The following CCND3 variants were observed in gnomAD, a reference collection of about 807,000 sequenced individuals.
CCND3 encodes G1/S-specific cyclin-D3.
CCND3 carries 9 observed loss-of-function variants against 28.7 expected under a neutral mutation model. The ratio of observed to expected loss-of-function variants is 0.31; its 90% CI spans 0.19 to 0.55. The LOEUF is 0.55. CCND3 is among the 20% of genes least tolerant of loss of function. The probability of loss-of-function intolerance (pLI) is 0.93; values close to 1 mark genes in which losing one functional copy is unlikely to be tolerated. For synonymous variants in CCND3, 164 were observed against 163.9 expected, an observed-to-expected ratio of 1.00 and a Z score of 0.00; for missense variants, 315 against 385.8, an observed-to-expected ratio of 0.82 and a Z score of 1.54.
chr6:42,044,333 C>G (rs915473011), intron 1 of CCND3, among the ~76,000 whole-genome samples: 3 of 152,098 alleles, frequency 2.0e-5, no homozygotes. Context: ...CTGAAGAACC[C>G]GGCAACACTC....
chr6:41,987,035 T>C (rs187872135), intron 1 of CCND3, among the ~76,000 whole-genome samples: 4 of 152,214 alleles, frequency 2.6e-5, no homozygotes, highest in Admixed American at 6.6e-5. Flanking sequence ...GAATAGTCAT[T>C]ACTATTCTGT....
chr6:42,031,019 TTATTC>T (rs1218601651), intron 1 of CCND3, among the ~76,000 whole-genome samples: 1 of 151,996 alleles, frequency 6.6e-6, no homozygotes, highest in Non-Finnish European at 1.5e-5. Context: ...GCACAGCTGT[TTATTC>T]TGATCTCCCT....
At chr6:41,991,311 G>A (rs1319841864) in intron 1 of CCND3, among the ~76,000 whole-genome samples, 4 of 151,996 alleles carry the variant, frequency 2.6e-5, no homozygotes, top group African/African-American at 9.6e-5. Flanking sequence ...CACCCGCCTT[G>A]GTCTCCCAAA....
At chr6:41,987,669 A>ATT (rs200686799) in intron 1 of CCND3, among the ~76,000 whole-genome samples, 1 of 143,436 alleles carries the variant, frequency 7.0e-6, no homozygotes, top group Admixed American at 7.1e-5. Flanking sequence ...TACTCAGCTA[A>ATT]TTTTTTTTTT....
At chr6:42,010,654 G>A (rs1356984026) in intron 1 of CCND3, among the ~76,000 whole-genome samples, 1 of 152,140 alleles carries the variant, frequency 6.6e-6, no homozygotes, top group African/African-American at 2.4e-5. Flanking sequence ...AGGGGCTGGG[G>A]AAACAGCTGT....
chr6:42,021,297 A>G (rs1763706405), intron 1 of CCND3, among the ~76,000 whole-genome samples: 1 of 152,236 alleles, frequency 6.6e-6, no homozygotes, highest in African/African-American at 2.4e-5. Context: ...TGTTCCAGGC[A>G]TCCACTAGGG....
In CCND3 at chr6:41,935,861, T is replaced by G. The variant is rs1390207641; in HGVS notation, c.*79A>C. The G allele has an allele frequency of 7.6e-7, 1 of 1,321,590 alleles. No individual in the cohort carries two copies. Among genetic ancestry groups the G allele is most frequent in the Non-Finnish European group, 1.1e-6 (1 of 940,364 alleles). 81.9% of individuals were successfully genotyped at this position (1,321,590 alleles called of 1,614,324 possible). ...GACGCCCCTTCAGGCTTAGATGTGG[T>G]GTGGTTCCTGGAGGCAGGGAGGTGG... is the stretch of plus-strand genomic sequence containing the variant. On this transcript the variant is annotated 3_prime_UTR_variant, in exon 5 of 5. Transcript: ENST00000372991.
chr6:41,992,462 G>GT (rs1762679100), intron 1 of CCND3, among the ~76,000 whole-genome samples: 1 of 23,558 alleles, frequency 4.2e-5, no homozygotes, highest in Admixed American at 7.4e-4. Context: ...ACACCCAGCC[G>GT]GTTTTTTTTT....
rs573735940 is a variant in CCND3 at position 41,962,607 on chromosome 6, C to G, written c.-45-22022G>C. Among the ~76,000 whole-genome samples, 24 of 152,188 alleles carry G rather than the reference C, an allele frequency of 1.6e-4. No homozygotes were observed. The South Asian group carries it at 4.8e-3, about 30-fold the overall frequency. On this transcript the variant is annotated intron_variant, in intron 1 of 4. Coordinates refer to the CCND3 transcript ENST00000372988. ...TCTCTACAAAAAAATTAAAAATTAC[C>G]TAAATGTGGTGTGCACCTATAGTCC...
At chr6:41,989,038 A>G (rs1561975142) in intron 1 of CCND3, among the ~76,000 whole-genome samples, 1 of 152,140 alleles carries the variant, frequency 6.6e-6, no homozygotes, top group Admixed American at 6.6e-5. Flanking sequence ...CCTCCGCTCC[A>G]CAAAAGGCAA....
chr6:42,044,956 CGTTTTTTT>C (rs1431522271), intron 1 of CCND3, among the ~76,000 whole-genome samples: 10 of 123,952 alleles, frequency 8.1e-5, no homozygotes, highest in Non-Finnish European at 1.3e-4. Context: ...GCCCGGCTAA[CGTTTTTTT>C]TTTTTTTTTT....
intron 1 of CCND3, among the ~76,000 whole-genome samples, chr6:41,972,065 A>G (rs1216781929): frequency 6.7e-6 from 1 of 149,998 alleles, no homozygotes; most frequent in Admixed American, 6.6e-5. Flanking sequence ...CTCTACTAAA[A>G]AAATACAAAA....
At chr6:41,948,080 A>AG (rs1489296095) in intron 1 of CCND3, among the ~76,000 whole-genome samples, 1 of 151,706 alleles carries the variant, frequency 6.6e-6, no homozygotes, top group African/African-American at 2.4e-5. Flanking sequence ...CCACTCCCTC[A>AG]CTTCCTTCAG....
At chr6:42,042,364 GTT>G (rs34181861) in intron 1 of CCND3, among the ~76,000 whole-genome samples, 7 of 144,596 alleles carry the variant, frequency 4.8e-5, no homozygotes, top group African/African-American at 7.7e-5. Flanking sequence ...TCGGAAGTGG[GTT>G]TTTTTTTTTT....
chr6:42,004,094 A>G (rs1410816072), intron 1 of CCND3, among the ~76,000 whole-genome samples: 10 of 130,636 alleles, frequency 7.7e-5, no homozygotes, highest in South Asian at 7.3e-4. Flanking sequence ...GTGTGTATGT[A>G]TTTTTTTTTT....
intron 1 of CCND3, among the ~76,000 whole-genome samples, chr6:41,970,034 T>C (rs538139361): frequency 8.3e-4 from 127 of 152,098 alleles, no homozygotes; most frequent in African/African-American, 3.0e-3. Context: ...CAGGACCTCG[T>C]ATCTAAGAAA....
At chr6:42,035,065 C>A (rs1208168850) in intron 1 of CCND3, among the ~76,000 whole-genome samples, 1 of 152,112 alleles carries the variant, frequency 6.6e-6, no homozygotes, top group African/African-American at 2.4e-5. Flanking sequence ...CTTGTTAATG[C>A]AACCAATATT....
At chr6:41,953,426 G>T (rs1215135408) in intron 1 of CCND3, among the ~76,000 whole-genome samples, 1 of 152,066 alleles carries the variant, frequency 6.6e-6, no homozygotes, top group African/African-American at 2.4e-5. Context: ...TACTTAGAGG[G>T]TGGCTCTAGG....
intron 1 of CCND3, among the ~76,000 whole-genome samples, chr6:42,030,930 G>C (rs1764024317): frequency 6.6e-6 from 1 of 152,140 alleles, no homozygotes; most frequent in Non-Finnish European, 1.5e-5. Context: ...GATGGGGGTG[G>C]GGTGCAGGAA....
Sources: allele counts gnomAD v4.1 joint callset (sites outside exome capture counted in the v4.1 genomes callset), GRCh38; gene constraint gnomAD v4.1.1; transcripts MANE v1.5; gene names NCBI Gene and HGNC (gene_info 2026-07-23, HGNC 2026-07-21).